Variants in RANBP17 observed in about 807,000 individuals in gnomAD.
RANBP17 encodes RAN binding protein 17, also known as ran-binding protein 17.
In RANBP17, 158 loss-of-function variants were observed where a neutral mutation model predicts 141.2. The observed-to-expected ratio is 1.12, with a 90% CI of 0.98 to 1.28. RANBP17 has a LOEUF of 1.28. RANBP17 is among the 50% of genes most tolerant of loss of function. The pLI, the probability that RANBP17 is intolerant of heterozygous loss-of-function variation, is 0.00. For missense variants in RANBP17, 1,438 were observed against 1,290.7 expected (o/e 1.11, Z -1.75); for synonymous variants, 430 against 450.0 (o/e 0.96, Z 0.56).
chr5:171,277,938 C>CTTTT (rs140208253), intron 25 of RANBP17, among the ~76,000 whole-genome samples: 890 of 72,258 alleles, frequency 0.012, 18 homozygotes, highest in Middle Eastern at 0.018. Context: ...GGACTTCTTT[C>CTTTT]TTTTTTTTTT....
chr5:171,193,224 A>T (rs1761764101), intron 18 of RANBP17, among the ~76,000 whole-genome samples: 2 of 152,236 alleles, frequency 1.3e-5, no homozygotes, highest in Admixed American at 1.3e-4. Context: ...TTGGATGGAA[A>T]TATAAAACAT....
In RANBP17 at chr5:170,911,079, A is replaced by C; in HGVS notation, c.705A>C (p.Ala235=). ...CLNFDFIGSS[A]DESADDLCTV... ...ACTTTGACTTCATTGGCAGTTCAGCAGATGAATCTGCAGATGATCTTTGCA... is the reference window on the plus strand; with the variant it reads ...ACTTTGACTTCATTGGCAGTTCAGCCGATGAATCTGCAGATGATCTTTGCA... The change falls in exon 7 of 28, where the codon GCA becomes GCC. Residue 235 remains alanine, a synonymous_variant. Transcript: ENST00000523189. 1 of 1,612,092 alleles carries C rather than the reference A, an allele frequency of 6.2e-7. No individual in the cohort carries two copies. The highest frequency in any genetic ancestry group is 8.5e-7 in the Non-Finnish European group (1 of 1,178,668).
At chr5:170,928,585 T>A (rs1189649469) in intron 12 of RANBP17, among the ~76,000 whole-genome samples, 1 of 151,998 alleles carries the variant, frequency 6.6e-6, no homozygotes, top group Non-Finnish European at 1.5e-5. Context: ...AATATCTTTC[T>A]CCCCCATTGA....
At chr5:171,273,106 C>A (rs1767231173) in intron 25 of RANBP17, among the ~76,000 whole-genome samples, 1 of 152,190 alleles carries the variant, frequency 6.6e-6, no homozygotes, top group African/African-American at 2.4e-5. Flanking sequence ...AGGACAGAAT[C>A]AATATGGCAG....
intron 1 of RANBP17, among the ~76,000 whole-genome samples, chr5:170,877,479 C>T (rs1210083834): frequency 1.3e-5 from 2 of 152,096 alleles, no homozygotes; most frequent in Non-Finnish European, 1.5e-5. Flanking sequence ...CTGTGGTGGT[C>T]TTGAACTCCT....
At chr5:171,105,299 G>A (rs1458157897) in intron 14 of RANBP17, among the ~76,000 whole-genome samples, 4 of 142,982 alleles carry the variant, frequency 2.8e-5, no homozygotes, top group East Asian at 4.3e-4. Flanking sequence ...GGAGAATGGC[G>A]TGAACCCGGG....
intron 12 of RANBP17, among the ~76,000 whole-genome samples, chr5:170,944,230 C>A (rs1332133775): frequency 1.3e-5 from 2 of 152,176 alleles, no homozygotes; most frequent in Admixed American, 6.5e-5. Context: ...AATACTGTTT[C>A]TCTTTCATCT....
intron 14 of RANBP17, among the ~76,000 whole-genome samples, chr5:171,064,249 C>G (rs185598278): frequency 1.3e-5 from 2 of 152,342 alleles, no homozygotes; most frequent in African/African-American, 4.8e-5. Flanking sequence ...CACCCGTCTT[C>G]TGCGTCACTC....
Position 171,241,056 on chromosome 5 carries a change from T to C in RANBP17, c.2551T>C (p.Phe851Leu). The C allele has an allele frequency of 6.2e-7, 1 of 1,613,970 alleles. No individual in the cohort carries two copies. The highest frequency in any genetic ancestry group is 1.1e-5 in the South Asian group (1 of 91,070). ...LCGNYVSFGV[F>L]KLYGDNHFDN... is the part of the protein sequence containing the mutation. ...TGGAAATTATGTCAGCTTTGGCGTCTTCAAGTTGTATGGGGACAACCATTT... is the reference window on the plus strand; with the variant it reads ...TGGAAATTATGTCAGCTTTGGCGTCCTCAAGTTGTATGGGGACAACCATTT... Residue 851 changes from phenylalanine to leucine, a missense_variant, in exon 23 of 28, where the codon TTC (phenylalanine) becomes CTC (leucine). By Grantham distance (22) the Phe-to-Leu change is conservative. Transcript: ENST00000523189.
chr5:171,196,604 G>C (rs889047835), intron 18 of RANBP17, among the ~76,000 whole-genome samples: 4 of 152,156 alleles, frequency 2.6e-5, no homozygotes, highest in African/African-American at 9.7e-5. Flanking sequence ...GCTAATGGCT[G>C]TCATTTATTA....
intron 14 of RANBP17, among the ~76,000 whole-genome samples, chr5:171,130,648 C>T (rs530772075): frequency 1.3e-5 from 2 of 151,914 alleles, no homozygotes; most frequent in Non-Finnish European, 2.9e-5. Flanking sequence ...GTTGGCCAGA[C>T]TGGCCTCAAA....
At chr5:170,906,256 T>C (rs897301733) in intron 5 of RANBP17, among the ~76,000 whole-genome samples, 2 of 152,042 alleles carry the variant, frequency 1.3e-5, no homozygotes, top group African/African-American at 4.8e-5. Flanking sequence ...TTAGTTCTTA[T>C]GTTTTATTAG....
At chr5:171,061,139 G>C (rs1038389376) in intron 14 of RANBP17, among the ~76,000 whole-genome samples, 25 of 151,948 alleles carry the variant, frequency 1.6e-4, no homozygotes, top group African/African-American at 6.0e-4. Flanking sequence ...TTTTTGGAAG[G>C]GTTTTTTGTG....
intron 14 of RANBP17, among the ~76,000 whole-genome samples, chr5:171,041,844 C>G (rs1030937027): frequency 6.6e-6 from 1 of 152,028 alleles, no homozygotes; most frequent in Non-Finnish European, 1.5e-5. Flanking sequence ...AACCCATCAC[C>G]TAGGTATTAA....
intron 16 of RANBP17, among the ~76,000 whole-genome samples, chr5:171,173,668 T>G (rs1444648679): frequency 1.3e-5 from 2 of 152,202 alleles, no homozygotes; most frequent in Middle Eastern, 3.4e-3. Flanking sequence ...AAGCCTTTGG[T>G]TGCCTTAAAG....
intron 14 of RANBP17, among the ~76,000 whole-genome samples, chr5:171,103,710 G>A (rs1263951061): frequency 1.3e-5 from 2 of 152,130 alleles, no homozygotes; most frequent in Non-Finnish European, 2.9e-5. Flanking sequence ...TTTTGTGCTT[G>A]AAACGCAGGG....
chr5:171,041,894 C>A (rs918836568), intron 14 of RANBP17, among the ~76,000 whole-genome samples: 35 of 152,000 alleles, frequency 2.3e-4, no homozygotes, highest in Admixed American at 2.2e-3. Flanking sequence ...TGCTCTCCCT[C>A]CCACTGCACC....
At chr5:171,106,305 G>A (rs1465330407) in intron 14 of RANBP17, among the ~76,000 whole-genome samples, 2 of 152,110 alleles carry the variant, frequency 1.3e-5, no homozygotes, top group East Asian at 1.9e-4. Flanking sequence ...TCTATTCTGG[G>A]CCTTGAAGAT....
At chr5:170,892,969 T>C (rs946936642) in intron 4 of RANBP17, among the ~76,000 whole-genome samples, 8 of 152,150 alleles carry the variant, frequency 5.3e-5, no homozygotes, top group African/African-American at 1.9e-4. Context: ...AGTGACTGAT[T>C]AACGCATACA....
Sources: allele counts gnomAD v4.1 joint callset (sites outside exome capture counted in the v4.1 genomes callset), GRCh38; gene constraint gnomAD v4.1.1; transcripts MANE v1.5; gene names NCBI Gene and HGNC (gene_info 2026-07-23, HGNC 2026-07-21).